TEX2: variants seen among roughly 807,000 people sequenced by gnomAD.
The protein encoded by TEX2 is testis expressed 2, also known as testis-expressed protein 2.
In TEX2, 53 loss-of-function variants were observed where a neutral mutation model predicts 106.9. The ratio of observed to expected loss-of-function variants is 0.50; its 90% CI spans 0.40 to 0.62. The LOEUF is 0.62. Among genes scored for constraint, TEX2 ranks in the 20% least tolerant of loss-of-function variants. TEX2 has a pLI of 0.00. For missense variants in TEX2, 1,207 were observed against 1,379.0 expected, an observed-to-expected ratio of 0.88 and a Z score of 1.98; for synonymous variants, 523 against 534.8, an observed-to-expected ratio of 0.98 and a Z score of 0.30.
chr17:64,192,770 T>C (rs1167022147), intron 4 of TEX2, among the ~76,000 whole-genome samples: 1 of 152,274 alleles, frequency 6.6e-6, no homozygotes, highest in African/African-American at 2.4e-5. Flanking sequence ...CAAAGCACTC[T>C]GAAGCAATGT....
intron 1 of TEX2, among the ~76,000 whole-genome samples, chr17:64,227,172 G>A (rs1362122946): frequency 6.6e-6 from 1 of 150,964 alleles, no homozygotes; most frequent in African/African-American, 2.4e-5. Flanking sequence ...GTTACAGTGA[G>A]CTGAGATCCT....
rs141082412 is a variant in TEX2, at chr17:64,160,769, T to A, written c.2804+32A>T. ...GGAGGGAGAAGCTGGTGCCCCAGGATTGGATTAGTAAATTCATATATAGCC... is the reference window on the plus strand; with the variant it reads ...GGAGGGAGAAGCTGGTGCCCCAGGAATGGATTAGTAAATTCATATATAGCC... On this transcript the variant is annotated intron_variant, in intron 8 of 11. Coordinates refer to ENST00000584379, the MANE Select transcript of TEX2 (RefSeq NM_001288732.2). 64 of 1,611,072 alleles carry A rather than the reference T, an allele frequency of 4.0e-5. No individual in the cohort carries two copies. In the Admixed American group the frequency reaches 7.9e-4, roughly 20 times the overall value.
chr17:64,148,568 GA>G lies in TEX2; in HGVS notation c.*400del. ...AAGGCCGCATACAAAGTATAGAAGT[GA>G]AAAAGTCCACTGTGCACCGGCTGCC... On this transcript the variant is annotated 3_prime_UTR_variant, in exon 12 of 12. Coordinates refer to ENST00000584379, the MANE Select transcript of TEX2 (RefSeq NM_001288732.2). 5.9e-6 allele frequency: 1 copy of G among 169,244 alleles called. No homozygotes were observed. Among genetic ancestry groups the G allele is most frequent in the Non-Finnish European group, 1.3e-5 (1 of 78,882 alleles). The allele number at this position is 169,244 out of a possible 1,614,324, so 10.5% of individuals were successfully genotyped here.
chr17:64,202,858 T>C (rs1415013734), intron 2 of TEX2, among the ~76,000 whole-genome samples: 1 of 152,146 alleles, frequency 6.6e-6, no homozygotes, highest in Non-Finnish European at 1.5e-5. Flanking sequence ...ATGGACACAG[T>C]GCACCCCGCT....
chr17:64,190,937 C>T (rs913481499), intron 4 of TEX2, among the ~76,000 whole-genome samples: 2 of 152,210 alleles, frequency 1.3e-5, no homozygotes, highest in African/African-American at 2.4e-5. Context: ...CTTCTAACTT[C>T]TTGGTACTGA....
In TEX2 at chr17:64,240,003, G is replaced by A. The variant is rs142794721; in HGVS notation, c.-26+23165C>T. 2.1e-3 allele frequency among the ~76,000 whole-genome samples: 316 copies of A among 151,442 alleles called. 2 individuals are homozygous for A. The highest frequency in any genetic ancestry group is 7.5e-3 in the African/African-American group (309 of 41,278). ...GAATTGTTAAATAAGGACTCTAGGT[G>A]TGCTAACAGGAAATATTACAAGTCC... is the stretch of plus-strand genomic sequence containing the variant. On this transcript the variant is annotated intron_variant, in intron 1 of 11. Coordinates refer to ENST00000584379, the MANE Select transcript of TEX2 (RefSeq NM_001288732.2).
At chr17:64,172,431 C>G (rs2143744729) in intron 6 of TEX2, among the ~76,000 whole-genome samples, 1 of 152,234 alleles carries the variant, frequency 6.6e-6, no homozygotes, top group Admixed American at 6.5e-5. Flanking sequence ...GATCTACACT[C>G]TATCCCCAGT....
chr17:64,191,623 C>T (rs118011124), intron 4 of TEX2, among the ~76,000 whole-genome samples: 3,116 of 152,102 alleles, frequency 0.02, 47 homozygotes, highest in Non-Finnish European at 0.034. Context: ...TTAAGATCAG[C>T]CTGACCAACA....
rs1274737136 is a variant in TEX2, at chr17:64,182,909, G to T, written c.2424+5259C>A. Among the ~76,000 whole-genome samples, 12 of 144,104 alleles carry T rather than the reference G, an allele frequency of 8.3e-5. No homozygotes were observed. The East Asian group carries it at 1.2e-3, about 15-fold the overall frequency. The allele number at this position is 144,104 out of a possible 152,430, so 94.5% of individuals were successfully genotyped here. ...ATGGGTTGTTTGCCACTTTTGTTGT[G>T]TTTTTTTTTTTTTTAAAACAGAGTC... is the stretch of plus-strand genomic sequence containing the variant. On this transcript the variant is annotated intron_variant, in intron 5 of 11. Coordinates refer to ENST00000584379, the MANE Select transcript of TEX2 (RefSeq NM_001288732.2).
rs547021290 is a variant in TEX2, at chr17:64,222,537, G to T, written c.-25-8295C>A. Reference sequence around the variant, plus strand: ...AACTCACAAAAAAAAAAAAAAAAAAGCAAAAATTGGAGGTCAAGATGGGAG... The same window carrying T: ...AACTCACAAAAAAAAAAAAAAAAAATCAAAAATTGGAGGTCAAGATGGGAG... On this transcript the variant is annotated intron_variant, in intron 1 of 11. Coordinates refer to ENST00000584379, the MANE Select transcript of TEX2 (RefSeq NM_001288732.2). Among the ~76,000 whole-genome samples the T allele has an allele frequency of 1.2e-4, 16 of 132,262 alleles. No individual in the cohort carries two copies. The South Asian group carries it at 3.6e-3, about 30-fold the overall frequency. 86.8% of individuals were successfully genotyped at this position (132,262 alleles called of 152,430 possible).
At chr17:64,207,758 C>T (rs1256374139) in intron 2 of TEX2, among the ~76,000 whole-genome samples, 1 of 149,102 alleles carries the variant, frequency 6.7e-6, no homozygotes, top group East Asian at 2.0e-4. Context: ...TTTTTTGAGA[C>T]GGAGTCTCGC....
intron 1 of TEX2, among the ~76,000 whole-genome samples, chr17:64,258,424 A>G (rs1205537655): frequency 6.6e-6 from 1 of 151,770 alleles, no homozygotes; most frequent in Non-Finnish European, 1.5e-5. Context: ...AATCTTGGAA[A>G]GTTATTTAAC....
chr17:64,239,021 G>A (rs889931533), intron 1 of TEX2: 4 of 152,158 alleles, frequency 2.6e-5, no homozygotes, highest in African/African-American at 9.6e-5. Context: ...TAATCTTCAT[G>A]GCCCTATGAG....
intron 1 of TEX2, among the ~76,000 whole-genome samples, chr17:64,240,233 ATGTG>A (rs67965706): frequency 5.3e-4 from 78 of 147,390 alleles, no homozygotes; most frequent in East Asian, 2.8e-3. Context: ...GTATATGCAG[ATGTG>A]TGTGTGTGTG....
intron 1 of TEX2, among the ~76,000 whole-genome samples, chr17:64,254,208 CA>C (rs1424385900): frequency 6.6e-6 from 1 of 152,194 alleles, no homozygotes; most frequent in African/African-American, 2.4e-5. Context: ...AGCATCAAAT[CA>C]AAACTCCCCA....
At chr17:64,175,672 G>A (rs1333640658) in intron 6 of TEX2, among the ~76,000 whole-genome samples, 1 of 152,150 alleles carries the variant, frequency 6.6e-6, no homozygotes, top group Non-Finnish European at 1.5e-5. Flanking sequence ...GAACTCCTGG[G>A]TTCAAGTCAT....
intron 1 of TEX2, among the ~76,000 whole-genome samples, chr17:64,236,164 A>G (rs1302286787): frequency 2.6e-5 from 4 of 151,610 alleles, no homozygotes; most frequent in Admixed American, 6.6e-5. Flanking sequence ...ATATTCGGGG[A>G]AAAAAAAATA....
chr17:64,199,834 T>G (rs2032599138), intron 2 of TEX2, among the ~76,000 whole-genome samples: 1 of 152,118 alleles, frequency 6.6e-6, no homozygotes, highest in African/African-American at 2.4e-5. Context: ...AGTTATTGGG[T>G]TCAAGCTTTT....
chr17:64,230,064 T>A (rs751745305), intron 1 of TEX2, among the ~76,000 whole-genome samples: 5 of 152,204 alleles, frequency 3.3e-5, no homozygotes, highest in Non-Finnish European at 7.3e-5. Flanking sequence ...AGGTAAGGCA[T>A]CTGAGGGCCA....
Sources: gnomAD v4.1 joint callset for allele counts (sites outside exome capture counted in the v4.1 genomes callset) on GRCh38, gnomAD v4.1.1 for gene constraint, MANE v1.5 for transcripts, NCBI Gene and HGNC (gene_info 2026-07-23, HGNC 2026-07-21) for gene names.